Variants in ZNF143 observed in about 807,000 individuals in gnomAD.
ZNF143 encodes zinc finger protein 143, also known as SPH-binding factor.
In ZNF143, 49 loss-of-function variants were observed where a neutral mutation model predicts 74.1. That is an observed-to-expected ratio of 0.66 (90% confidence interval 0.53 to 0.84). The LOEUF (loss-of-function observed/expected upper bound fraction) is 0.84, where lower values mean the gene tolerates loss of function less well. Among genes scored for constraint, ZNF143 ranks in the 40% least tolerant of loss-of-function variants. The probability of loss-of-function intolerance (pLI) is 0.00; values close to 1 mark genes in which losing one functional copy is unlikely to be tolerated. For missense variants in ZNF143, 637 were observed against 793.4 expected, an observed-to-expected ratio of 0.80 and a Z score of 2.37; for synonymous variants, 304 against 282.8, an observed-to-expected ratio of 1.07 and a Z score of -0.75.
intron 8 of ZNF143, among the ~76,000 whole-genome samples, chr11:9,495,755 A>G (rs1847936542): frequency 6.6e-6 from 1 of 152,240 alleles, no homozygotes; most frequent in Non-Finnish European, 1.5e-5. Flanking sequence ...AAGTACTAAA[A>G]AGAGTGTCCT....
At chr11:9,491,363 G>A (rs532784620) in intron 7 of ZNF143, among the ~76,000 whole-genome samples, 4 of 151,606 alleles carry the variant, frequency 2.6e-5, no homozygotes, top group East Asian at 1.9e-4. Flanking sequence ...TCGGCTGGGC[G>A]CGGTGGCTCA....
rs1471040186 is a variant in ZNF143, at chr11:9,494,706, G to C, written c.706G>C (p.Ala236Pro). Residue 236 changes from alanine (A) to proline (P), a missense_variant, in exon 8 of 16, where the codon GCA becomes CCA. By Grantham distance (27) the Ala-to-Pro change is conservative. Coordinates refer to ENST00000396602, the MANE Select transcript of ZNF143 (RefSeq NM_003442.6). Reference protein sequence around the residue: ...TAKSQQSGEKAFRCEYDGCGK... With the variant: ...TAKSQQSGEKPFRCEYDGCGK... ...TAAATCTCAACAGAGTGGAGAGAAG[G>C]CATTTCGATGTGAATATGATGGATG... The C allele has an allele frequency of 2.5e-6, 4 of 1,613,446 alleles. No homozygotes were observed. The highest frequency in any genetic ancestry group is 3.4e-6 in the Non-Finnish European group (4 of 1,179,548).
intron 7 of ZNF143, among the ~76,000 whole-genome samples, chr11:9,487,318 G>A (rs764406236): frequency 1.3e-5 from 2 of 151,422 alleles, no homozygotes; most frequent in East Asian, 1.9e-4. Context: ...CTTGCACAAC[G>A]TTACATGGTG....
Position 9,494,727 on chromosome 11 carries a change from G to A in ZNF143, c.727G>A (p.Gly243Arg). Residue 243 changes from glycine (G) to arginine (R), a missense_variant, in exon 8 of 16, where the codon GGA (glycine) becomes AGA (arginine). Gly to Arg is a moderately radical substitution (Grantham distance 125). Around this residue, in one of 2 missense-constraint regions of ZNF143, gnomAD observed 293 missense variants for 307.8 expected, o/e 0.95. Transcript: ENST00000396602. ...GEKAFRCEYD[G>R]CGKLYTTAHH... ...GAAGGCATTTCGATGTGAATATGAT[G>A]GATGTGGAAAATTATATACAACAGC... The A allele has an allele frequency of 6.2e-7, 1 of 1,613,068 alleles. No individual in the cohort carries two copies. The highest frequency in any genetic ancestry group is 8.5e-7 in the Non-Finnish European group (1 of 1,179,076).
chr11:9,469,993 T>C (rs1368697996), intron 1 of ZNF143, among the ~76,000 whole-genome samples: 1 of 152,224 alleles, frequency 6.6e-6, no homozygotes, highest in African/African-American at 2.4e-5. Flanking sequence ...TACAAATTAT[T>C]ACTACTATCT....
At chr11:9,515,188 A>G (rs11042404) in intron 13 of ZNF143, among the ~76,000 whole-genome samples, 3 of 152,118 alleles carry the variant, frequency 2.0e-5, no homozygotes, top group South Asian at 2.1e-4. Flanking sequence ...CAGAGAGCAT[A>G]ATAAGATTTT....
chr11:9,467,080 G>C (rs971181439), intron 1 of ZNF143, among the ~76,000 whole-genome samples: 3 of 151,526 alleles, frequency 2.0e-5, no homozygotes, highest in Non-Finnish European at 2.9e-5. Context: ...TTTTAGTAGA[G>C]ACGGGGTTTC....
At chr11:9,525,194 G>A (rs768074014) in intron 14 of ZNF143, 46 bp from the exon 15 acceptor site, 165 of 1,606,088 alleles carry the variant, frequency 1.0e-4, no homozygotes, top group Non-Finnish European at 1.3e-4. Context: ...TATTTAAATC[G>A]CAGGTTTAAT....
chr11:9,484,357 C>T (rs370548720), intron 7 of ZNF143, among the ~76,000 whole-genome samples: 2 of 151,140 alleles, frequency 1.3e-5, no homozygotes, highest in East Asian at 3.9e-4. Context: ...CCATGCCCGG[C>T]TAATTTTTTA....
At chr11:9,512,655 G>T in intron 13 of ZNF143, 59 bp downstream of exon 13, 2 of 1,602,056 alleles carry the variant, frequency 1.2e-6, no homozygotes, top group South Asian at 2.2e-5. Context: ...GGCTTGAAAG[G>T]CAGGCTGGGT....
chr11:9,480,398 GT>G (rs541464543), intron 7 of ZNF143, among the ~76,000 whole-genome samples: 16 of 150,816 alleles, frequency 1.1e-4, no homozygotes, highest in East Asian at 9.7e-4. Flanking sequence ...CTTTATAGTA[GT>G]TTTTTTTTCA....
chr11:9,467,445 G>T (rs1158080425), intron 1 of ZNF143, among the ~76,000 whole-genome samples: 3 of 150,704 alleles, frequency 2.0e-5, no homozygotes, highest in African/African-American at 7.3e-5. Flanking sequence ...CATGTTGTCC[G>T]GGCTGTTCTC....
intron 11 of ZNF143, among the ~76,000 whole-genome samples, chr11:9,503,340 G>A (rs1589920989): frequency 6.6e-6 from 1 of 152,164 alleles, no homozygotes; most frequent in East Asian, 1.9e-4. Context: ...GTTTTTATGT[G>A]GACATGTTTT....
chr11:9,520,025 ATTTTTTTTTTT>A lies in ZNF143; in HGVS notation c.1686+3682_1686+3692del, dbSNP rs954404348. 3.1e-3 allele frequency among the ~76,000 whole-genome samples: 283 copies of A among 91,390 alleles called. 2 individuals are homozygous for A. Among genetic ancestry groups the A allele is most frequent in the Non-Finnish European group, 2.9e-3 (140 of 48,002 alleles). 60.0% of individuals were successfully genotyped at this position (91,390 alleles called of 152,430 possible). ...ATGTAGCAAGACACTGTTTCCACCAATTTTTTTTTTTTTTTTTTTTTTTTTTTTTGAGACGG... is the reference window on the plus strand; with the variant it reads ...ATGTAGCAAGACACTGTTTCCACCAATTTTTTTTTTTTTTTTTTGAGACGG... On this transcript the variant is annotated intron_variant, in intron 14 of 15. Transcript: ENST00000396602.
At chr11:9,502,254 TTTTTTTTTTTTGG>T (rs1848193113) in intron 11 of ZNF143, among the ~76,000 whole-genome samples, 1 of 141,576 alleles carries the variant, frequency 7.1e-6, no homozygotes, top group Non-Finnish European at 1.5e-5. Context: ...TTTTTTTTTT[TTTTTTTTTTTTGG>T]GAAACTGCTT....
At chr11:9,486,413 ATATAT>A (rs1847521401) in intron 7 of ZNF143, among the ~76,000 whole-genome samples, 3 of 3,814 alleles carry the variant, frequency 7.9e-4, no homozygotes, top group Non-Finnish European at 1.4e-3. Flanking sequence ...TATATATATA[ATATAT>A]ATTATATATA....
At position 9,482,832 on chromosome 11, in the gene ZNF143, C is replaced by T. The variant is rs746571997; in HGVS notation, c.645+3286C>T. Among the ~76,000 whole-genome samples the T allele has an allele frequency of 8.6e-5, 13 of 151,046 alleles. 1 individual carries two copies. The highest frequency in any genetic ancestry group is 2.1e-4 in the South Asian group (1 of 4,814). On this transcript the variant is annotated intron_variant, in intron 7 of 15. Coordinates refer to ENST00000396602, the MANE Select transcript of ZNF143 (RefSeq NM_003442.6). ...GTAAGTGGATTTTGAAGACATAGTA[C>T]GATAAAAATAATGTAAAATATCAAT... is the stretch of plus-strand genomic sequence containing the variant.
At chr11:9,488,740 A>G (rs1183637125) in intron 7 of ZNF143, among the ~76,000 whole-genome samples, 1 of 152,200 alleles carries the variant, frequency 6.6e-6, no homozygotes, top group African/African-American at 2.4e-5. Context: ...ATCATTTTAG[A>G]AAGTAGGTAT....
rs113315954 is a variant in ZNF143 at position 9,472,843 on chromosome 11, A to G, written c.205+74A>G. 1,753 of 1,082,410 alleles carry G rather than the reference A, an allele frequency of 1.6e-3. 22 individuals carry two copies. The African/African-American group carries it at 0.026, about 16-fold the overall frequency. 67.1% of individuals were successfully genotyped at this position (1,082,410 alleles called of 1,614,324 possible). A position where few individuals can be genotyped will look rare whatever the true frequency, so the allele number is the denominator to read the frequency against. ...CTGTGAGTTGGAGCACCTAGAAGCT[A>G]TACCACCTTTCCTATGTCTCCTAAA... On this transcript the variant is annotated intron_variant, in intron 3 of 15. Coordinates refer to ENST00000396602, the MANE Select transcript of ZNF143 (RefSeq NM_003442.6).
Sources: gnomAD v4.1 joint callset for allele counts (sites outside exome capture counted in the v4.1 genomes callset) on GRCh38, gnomAD v4.1.1 for gene constraint, gnomAD v4.1.1 regional missense constraint, MANE v1.5 for transcripts, NCBI Gene and HGNC (gene_info 2026-07-23, HGNC 2026-07-21) for gene names.